Variants in ENTREP2 observed in about 807,000 individuals in gnomAD.
ENTREP2 encodes endosomal transmembrane epsin interactor 2.
the ENTREP2 span, among the ~76,000 whole-genome samples, chr15:29,164,877 A>G: frequency 6.6e-6 from 1 of 152,214 alleles, no homozygotes; most frequent in African/African-American, 2.4e-5. Context: ...CAGAATACAC[A>G]TTCTATTCAA....
the ENTREP2 span, among the ~76,000 whole-genome samples, chr15:29,371,939 GATAGATAGATAAA>G: frequency 1.3e-5 from 2 of 151,464 alleles, no homozygotes; most frequent in African/African-American, 4.8e-5. Context: ...TAGATAGATA[GATAGATAGATAAA>G]GAGATACAAT....
chr15:29,432,507 T>G, the ENTREP2 span, among the ~76,000 whole-genome samples: 1 of 152,236 alleles, frequency 6.6e-6, no homozygotes, highest in East Asian at 1.9e-4. Flanking sequence ...TGCACCATGT[T>G]TGATCATCTT....
the ENTREP2 span, chr15:29,123,520 A>G: frequency 3.2e-6 from 5 of 1,551,574 alleles, no homozygotes; most frequent in Non-Finnish European, 4.4e-6. Context: ...GCTGTCCACT[A>G]AAGAGCGTGG....
the ENTREP2 span, among the ~76,000 whole-genome samples, chr15:29,671,610 T>G: frequency 1.3e-5 from 2 of 152,358 alleles, no homozygotes; most frequent in South Asian, 4.1e-4. Flanking sequence ...AAGCCCATTC[T>G]TCATTTCTCA....
the ENTREP2 span, among the ~76,000 whole-genome samples, chr15:29,285,421 A>C: frequency 6.6e-6 from 1 of 152,238 alleles, no homozygotes. Flanking sequence ...TATGAAAAAG[A>C]CTGAAAGAGA....
chr15:29,451,455 C>T, the ENTREP2 span, among the ~76,000 whole-genome samples: 1 of 152,152 alleles, frequency 6.6e-6, no homozygotes, highest in African/African-American at 2.4e-5. Context: ...TCCCAGACCA[C>T]TGTCACAGAG....
At chr15:29,656,877 T>A in the ENTREP2 span, among the ~76,000 whole-genome samples, 1 of 152,200 alleles carries the variant, frequency 6.6e-6, no homozygotes, top group East Asian at 1.9e-4. Flanking sequence ...AAACTCATCT[T>A]CACACAAAAA....
chr15:29,366,262 ACAGGGTTTCACCATATTGGC>A, the ENTREP2 span, among the ~76,000 whole-genome samples: 1 of 152,094 alleles, frequency 6.6e-6, no homozygotes, highest in African/African-American at 2.4e-5. Context: ...TTTAGTAGAG[ACAGGGTTTCACCATATTGGC>A]CAGGCTGGTC....
the ENTREP2 span, among the ~76,000 whole-genome samples, chr15:29,300,151 A>G: frequency 7.8e-6 from 1 of 128,160 alleles, no homozygotes; most frequent in African/African-American, 3.0e-5. Context: ...ATGGATGGAT[A>G]ATGGATGGAT....
At chr15:29,584,443 A>ATGTGTGTGTGTG in the ENTREP2 span, among the ~76,000 whole-genome samples, 1 of 138,738 alleles carries the variant, frequency 7.2e-6, no homozygotes, top group Admixed American at 7.2e-5. Flanking sequence ...GTGTGTGTGC[A>ATGTGTGTGTGTG]TGTGTGTGTG....
the ENTREP2 span, among the ~76,000 whole-genome samples, chr15:29,198,089 G>C: frequency 6.6e-6 from 1 of 152,168 alleles, no homozygotes; most frequent in Non-Finnish European, 1.5e-5. Context: ...ATATTCACCA[G>C]AGGAACTCAG....
At chr15:29,159,996 G>A in the ENTREP2 span, among the ~76,000 whole-genome samples, 3 of 152,338 alleles carry the variant, frequency 2.0e-5, no homozygotes, top group South Asian at 2.1e-4. Flanking sequence ...CGGGAGGCTC[G>A]GGCCGCACAG....
chr15:29,314,821 G>A, the ENTREP2 span, among the ~76,000 whole-genome samples: 1 of 152,174 alleles, frequency 6.6e-6, no homozygotes, highest in Non-Finnish European at 1.5e-5. Context: ...GGAGGCCGAG[G>A]CGGGTGGATC....
At chr15:29,484,646 G>T in the ENTREP2 span, among the ~76,000 whole-genome samples, 1 of 152,046 alleles carries the variant, frequency 6.6e-6, no homozygotes, top group South Asian at 2.1e-4. Context: ...GCAAAAAACA[G>T]ATTTTTTAAA....
chr15:29,558,678 C>CCTCCCACCTCCTCCTCCACCT, the ENTREP2 span, among the ~76,000 whole-genome samples: 2 of 4 alleles, frequency 0.5, 1 homozygote. Context: ...TCCTGACTCC[C>CCTCCCACCTCCTCCTCCACCT]TCTGCAGTTG....
At chr15:29,349,094 C>T in the ENTREP2 span, among the ~76,000 whole-genome samples, 1 of 152,202 alleles carries the variant, frequency 6.6e-6, no homozygotes, top group South Asian at 2.1e-4. Context: ...ACGGCGGTGT[C>T]TTCTTTCCAG....
At chr15:29,140,317 G>T in the ENTREP2 span, among the ~76,000 whole-genome samples, 1 of 152,270 alleles carries the variant, frequency 6.6e-6, no homozygotes, top group East Asian at 1.9e-4. Context: ...ACGGGCAGAC[G>T]CCTCCTTGCG....
the ENTREP2 span, chr15:29,235,044 G>T: frequency 8.6e-7 from 1 of 1,158,384 alleles, no homozygotes; most frequent in Non-Finnish European, 1.3e-6. Flanking sequence ...CTTCTTCCCA[G>T]GTAGTGGCCC....
the ENTREP2 span, among the ~76,000 whole-genome samples, chr15:29,420,578 T>C: frequency 1.3e-5 from 2 of 152,176 alleles, no homozygotes; most frequent in African/African-American, 2.4e-5. Context: ...TGAAAAAAAT[T>C]AGACGTGTAA....
Sources: gnomAD v4.1 joint callset for allele counts (sites outside exome capture counted in the v4.1 genomes callset) on GRCh38, gnomAD v4.1.1 for gene constraint, MANE v1.5 for transcripts, NCBI Gene and HGNC (gene_info 2026-07-23, HGNC 2026-07-21) for gene names.